ATRNL1: variants seen among roughly 807,000 people sequenced by gnomAD.
ATRNL1 encodes attractin-like protein 1.
Under a neutral mutation model 182.7 loss-of-function variants are expected in ATRNL1, and 95 were observed. That is an observed-to-expected ratio of 0.52 (90% CI 0.44 to 0.62). The LOEUF (loss-of-function observed/expected upper bound fraction) is 0.62. Among genes scored for constraint, ATRNL1 ranks in the 20% least tolerant of loss-of-function variants. The pLI is 0.00. For missense variants in ATRNL1, 1,471 were observed against 1,679.5 expected, an observed-to-expected ratio of 0.88 and a Z score of 2.17; for synonymous variants, 576 against 568.3, an observed-to-expected ratio of 1.01 and a Z score of -0.19.
At chr10:115,774,093 G>C (rs1434185491) in intron 27 of ATRNL1, among the ~76,000 whole-genome samples, 2 of 152,056 alleles carry the variant, frequency 1.3e-5, no homozygotes, top group Admixed American at 6.6e-5. Flanking sequence ...ACTCATCCTA[G>C]AATAACCAAT....
At chr10:115,540,487 C>T (rs1852290301) in intron 25 of ATRNL1, among the ~76,000 whole-genome samples, 1 of 152,036 alleles carries the variant, frequency 6.6e-6, no homozygotes, top group Non-Finnish European at 1.5e-5. Flanking sequence ...GGAGGCCGGG[C>T]ATGGTGGCTC....
chr10:115,296,217 G>A (rs1554922518), intron 15 of ATRNL1, among the ~76,000 whole-genome samples: 2 of 152,174 alleles, frequency 1.3e-5, no homozygotes, highest in Non-Finnish European at 2.9e-5. Context: ...CAATCCAGGT[G>A]GAGAAGACAG....
intron 3 of ATRNL1, among the ~76,000 whole-genome samples, chr10:115,122,443 T>C (rs913760578): frequency 1.3e-4 from 20 of 151,962 alleles, no homozygotes; most frequent in African/African-American, 4.8e-4. Flanking sequence ...ACAGAAAAAA[T>C]TATGAACATG....
chr10:115,714,836 A>G (rs1385931256), intron 26 of ATRNL1, among the ~76,000 whole-genome samples: 1 of 152,230 alleles, frequency 6.6e-6, no homozygotes, highest in Non-Finnish European at 1.5e-5. Flanking sequence ...AATAAAGAGA[A>G]TTTGTAGATT....
chr10:115,192,600 A>G (rs372162881), intron 8 of ATRNL1, among the ~76,000 whole-genome samples: 2 of 152,002 alleles, frequency 1.3e-5, no homozygotes, highest in Admixed American at 1.3e-4. Context: ...GTTTCATATA[A>G]ATTTTAGGAT....
chr10:115,416,183 A>G (rs1845381784), intron 20 of ATRNL1, among the ~76,000 whole-genome samples: 1 of 152,114 alleles, frequency 6.6e-6, no homozygotes, highest in South Asian at 2.1e-4. Context: ...AAGAATAAAT[A>G]ATGTCTTTCC....
chr10:115,100,960 T>G (rs1191608660), intron 1 of ATRNL1, among the ~76,000 whole-genome samples: 2 of 152,206 alleles, frequency 1.3e-5, no homozygotes, highest in East Asian at 3.8e-4. Flanking sequence ...GATTTTTCCC[T>G]AAGTAGTTAA....
chr10:115,875,323 C>G (rs114306723), intron 28 of ATRNL1, among the ~76,000 whole-genome samples: 4,928 of 152,190 alleles, frequency 0.032, 267 homozygotes, highest in African/African-American at 0.11. Flanking sequence ...AATTAGGTAA[C>G]CTAAATAAAT....
At chr10:115,303,529 A>C (rs1853588599) in intron 17 of ATRNL1, among the ~76,000 whole-genome samples, 1 of 152,218 alleles carries the variant, frequency 6.6e-6, no homozygotes, top group East Asian at 1.9e-4. Flanking sequence ...CCGGTATCCA[A>C]GTTTATGTCC....
chr10:115,391,896 AT>A (rs1293310029), intron 19 of ATRNL1, among the ~76,000 whole-genome samples: 1 of 151,902 alleles, frequency 6.6e-6, no homozygotes, highest in African/African-American at 2.4e-5. Context: ...GTATGATACT[AT>A]TTTTAGGAAT....
At chr10:115,441,770 T>G (rs1265114445) in intron 21 of ATRNL1, among the ~76,000 whole-genome samples, 1 of 152,024 alleles carries the variant, frequency 6.6e-6, no homozygotes, top group South Asian at 2.1e-4. Flanking sequence ...TTTCAGTAAA[T>G]GTACATAATG....
At chr10:115,412,098 C>T (rs1554960029) in intron 20 of ATRNL1, among the ~76,000 whole-genome samples, 1 of 152,122 alleles carries the variant, frequency 6.6e-6, no homozygotes, top group East Asian at 1.9e-4. Context: ...TGATGGTTTT[C>T]ACTTCTGTGA....
chr10:115,096,890 T>A, intron 1 of ATRNL1: 7 of 890,804 alleles, frequency 7.9e-6, no homozygotes, highest in Non-Finnish European at 9.9e-6. Flanking sequence ...CTAAAGGACT[T>A]GGGATTGAGA....
intron 28 of ATRNL1, among the ~76,000 whole-genome samples, chr10:115,863,540 G>A (rs1589619045): frequency 6.6e-6 from 1 of 152,174 alleles, no homozygotes; most frequent in East Asian, 1.9e-4. Flanking sequence ...TGATACATAT[G>A]AGGAAAGTGA....
intron 24 of ATRNL1, among the ~76,000 whole-genome samples, chr10:115,501,250 A>G (rs1849821105): frequency 6.6e-6 from 1 of 152,070 alleles, no homozygotes; most frequent in Admixed American, 6.6e-5. Flanking sequence ...AGACTTTTTT[A>G]AAGCTGTGCC....
At chr10:115,487,335 A>G (rs1312981352) in intron 24 of ATRNL1, among the ~76,000 whole-genome samples, 1 of 152,246 alleles carries the variant, frequency 6.6e-6, no homozygotes, top group East Asian at 1.9e-4. Context: ...TTTGAGCAGT[A>G]TGTCCATTAT....
rs182492935 is a variant in ATRNL1, at chr10:115,640,343, A to G, written c.3796-86905A>G. 2.7e-3 allele frequency among the ~76,000 whole-genome samples: 410 copies of G among 152,284 alleles called. 1 individual carries two copies. Among genetic ancestry groups the G allele is most frequent in the African/African-American group, 9.2e-3 (384 of 41,550 alleles). On this transcript the variant is annotated intron_variant, in intron 26 of 28. Transcript: ENST00000355044. Reference sequence around the variant, plus strand: ...ATTTCTGGTTCTAGATCATTGAGGAATTGCCATACTGTCTTCCACAATGGT... The same window carrying G: ...ATTTCTGGTTCTAGATCATTGAGGAGTTGCCATACTGTCTTCCACAATGGT...
In ATRNL1 at chr10:115,554,100, G is replaced by T. The variant is rs1853169626; in HGVS notation, c.3795+4564G>T. ...CTTCAAAGTTCTGTATTTTGTAAAT[G>T]TTTAAACATTTTAACATATAGATAA... On this transcript the variant is annotated intron_variant, in intron 26 of 28. Transcript: ENST00000355044. 2.0e-5 allele frequency among the ~76,000 whole-genome samples: 3 copies of T among 151,506 alleles called. No individual in the cohort carries two copies. In the South Asian group the frequency reaches 6.2e-4, roughly 31 times the overall value.
intron 27 of ATRNL1, among the ~76,000 whole-genome samples, chr10:115,732,332 C>G (rs1212273284): frequency 2.6e-5 from 4 of 152,128 alleles, no homozygotes; most frequent in Admixed American, 2.0e-4. Context: ...TTCTACCAAT[C>G]TATTTATCTA....
Sources: gnomAD v4.1 joint callset for allele counts (sites outside exome capture counted in the v4.1 genomes callset) on GRCh38, gnomAD v4.1.1 for gene constraint, MANE v1.5 for transcripts, NCBI Gene and HGNC (gene_info 2026-07-23, HGNC 2026-07-21) for gene names.